Variants in GARRE1 observed in about 807,000 individuals in gnomAD.
The protein encoded by GARRE1 is granule associated Rac and RHOG effector 1.
In GARRE1, 49 loss-of-function variants were observed where a neutral mutation model predicts 103.2. The ratio of observed to expected loss-of-function variants is 0.47; its 90% CI spans 0.38 to 0.60. GARRE1 has a LOEUF of 0.60. GARRE1 is among the 20% of genes least tolerant of loss of function. The pLI is 0.00. For missense variants in GARRE1, 1,199 were observed against 1,370.5 expected (o/e 0.87, Z 1.98); for synonymous variants, 505 against 532.8 (o/e 0.95, Z 0.72).
intron 1 of GARRE1, chr19:34,296,376 GC>G: frequency 1.4e-6 from 2 of 1,403,572 alleles, no homozygotes; most frequent in African/African-American, 1.4e-5. Context: ...CTTGGCCTTG[GC>G]CTTTAGCCGG....
chr19:34,298,231 C>T (rs1367189640), intron 1 of GARRE1, among the ~76,000 whole-genome samples: 4 of 151,990 alleles, frequency 2.6e-5, no homozygotes, highest in African/African-American at 9.7e-5. Context: ...GCCTGGGCAA[C>T]ATGGCGAAAC....
intron 7 of GARRE1, 136 bp downstream of exon 7, chr19:34,330,483 A>G (rs1599776480): frequency 2.5e-6 from 2 of 794,310 alleles, no homozygotes; most frequent in East Asian, 2.7e-5. Flanking sequence ...TAGACCAGGC[A>G]GGTAGACAAG....
chr19:34,280,175 A>G (rs1430160951), intron 1 of GARRE1, among the ~76,000 whole-genome samples: 1 of 152,098 alleles, frequency 6.6e-6, no homozygotes, highest in African/African-American at 2.4e-5. Flanking sequence ...ACCAGGTCTC[A>G]TGAGAACCCA....
intron 1 of GARRE1, among the ~76,000 whole-genome samples, chr19:34,284,894 G>T (rs1439212049): frequency 1.3e-5 from 2 of 152,020 alleles, no homozygotes; most frequent in Non-Finnish European, 2.9e-5. Flanking sequence ...TTAAAATAAT[G>T]ATAATAATAA....
At chr19:34,255,303 C>T (rs181678759) in intron 1 of GARRE1, among the ~76,000 whole-genome samples, 366 of 152,348 alleles carry the variant, frequency 2.4e-3, no homozygotes, top group Non-Finnish European at 4.0e-3. Context: ...AGAAGCGTGC[C>T]TGGTTGGCAT....
At chr19:34,302,819 A>G (rs2073987435) in intron 2 of GARRE1, among the ~76,000 whole-genome samples, 1 of 145,572 alleles carries the variant, frequency 6.9e-6, no homozygotes, top group South Asian at 2.2e-4. Flanking sequence ...ATCTCGGCTC[A>G]CTGCAACCTC....
chr19:34,318,172 G>C (rs1027166907), intron 2 of GARRE1, among the ~76,000 whole-genome samples: 2 of 152,200 alleles, frequency 1.3e-5, no homozygotes, highest in African/African-American at 4.8e-5. Context: ...CTGGGAACTG[G>C]CTTGCCCCTG....
intron 1 of GARRE1, among the ~76,000 whole-genome samples, chr19:34,261,737 A>G (rs1217393296): frequency 1.3e-5 from 2 of 152,146 alleles, no homozygotes; most frequent in African/African-American, 4.8e-5. Context: ...CTGGACAGGT[A>G]TGAATAAGGA....
chr19:34,341,034 C>T (rs1202008541), intron 9 of GARRE1, among the ~76,000 whole-genome samples: 2 of 152,188 alleles, frequency 1.3e-5, no homozygotes, highest in African/African-American at 4.8e-5. Flanking sequence ...ATCCCCCCAC[C>T]ACCTCCCTCT....
chr19:34,286,882 C>G (rs913654205), intron 1 of GARRE1, among the ~76,000 whole-genome samples: 2 of 152,114 alleles, frequency 1.3e-5, no homozygotes, highest in African/African-American at 4.8e-5. Flanking sequence ...CGTCCTCATT[C>G]TTGTGGCTGT....
At chr19:34,295,265 C>T (rs2073941139) in intron 1 of GARRE1, among the ~76,000 whole-genome samples, 1 of 152,114 alleles carries the variant, frequency 6.6e-6, no homozygotes, top group Admixed American at 6.6e-5. Context: ...GGGACTCAGT[C>T]AAGTTAAAAT....
At chr19:34,347,052 T>C (rs1317619742) in intron 10 of GARRE1, among the ~76,000 whole-genome samples, 2 of 150,800 alleles carry the variant, frequency 1.3e-5, no homozygotes, top group African/African-American at 2.4e-5. Context: ...GCCTCCCAAG[T>C]AGCTGTGACT....
intron 1 of GARRE1, among the ~76,000 whole-genome samples, chr19:34,272,239 A>T (rs1027627458): frequency 1.3e-5 from 2 of 152,092 alleles, no homozygotes; most frequent in Non-Finnish European, 2.9e-5. Context: ...TTTGAAACAT[A>T]GTCTTGCTCT....
At chr19:34,267,089 C>T (rs1366773116) in intron 1 of GARRE1, among the ~76,000 whole-genome samples, 2 of 152,182 alleles carry the variant, frequency 1.3e-5, no homozygotes, top group East Asian at 1.9e-4. Context: ...CACAGCGAAA[C>T]CCCATCTTCT....
At chr19:34,348,882 T>G in intron 11 of GARRE1, 134 bp from the exon 12 acceptor site, 1 of 1,004,682 alleles carries the variant, frequency 1.0e-6, no homozygotes, top group Non-Finnish European at 1.5e-6. Context: ...AACCTCACGT[T>G]TTAAGAAGGG....
intron 3 of GARRE1, among the ~76,000 whole-genome samples, chr19:34,325,155 T>C (rs2074105851): frequency 6.6e-6 from 1 of 152,184 alleles, no homozygotes; most frequent in African/African-American, 2.4e-5. Context: ...CATCCTTTCT[T>C]CATCTAGTTT....
rs143183443 is a variant in GARRE1, at chr19:34,312,450, G to A, written c.496-7457G>A. ...TGTACCTGCTCAACAATAACTCCTG[G>A]TTGCCCTCTCCTCCCAGCTCCTGGC... On this transcript the variant is annotated intron_variant, in intron 2 of 13. Transcript: ENST00000299505. 1.1e-3 allele frequency among the ~76,000 whole-genome samples: 170 copies of A among 152,158 alleles called. 1 individual carries two copies. The highest frequency in any genetic ancestry group is 3.4e-3 in the Middle Eastern group (1 of 294).
At position 34,341,788 on chromosome 19, in the gene GARRE1, T is replaced by C. The variant is rs768516994; in HGVS notation, c.1854T>C (p.Phe618=). The change falls in exon 10 of 14, where the codon TTT becomes TTC. Residue 618 remains phenylalanine, a synonymous_variant. Transcript: ENST00000299505. ...CCAGTAATACAGTGGCCAATGGCTT[T>C]CTCATGGAGAGGCGTGAGAACTTCC... ...QNSSNTVANG[F]LMERRENFLH... 6.2e-7 allele frequency: 1 copy of C among 1,614,208 alleles called. No individual in the cohort carries two copies. Among genetic ancestry groups the C allele is most frequent in the Non-Finnish European group, 8.5e-7 (1 of 1,180,020 alleles).
At chr19:34,323,581 G>T (rs998477006) in intron 3 of GARRE1, among the ~76,000 whole-genome samples, 1 of 152,164 alleles carries the variant, frequency 6.6e-6, no homozygotes, top group Admixed American at 6.5e-5. Context: ...GGCTGTGTGT[G>T]GGGGTGGGAC....
Sources: allele counts gnomAD v4.1 joint callset (sites outside exome capture counted in the v4.1 genomes callset), GRCh38; gene constraint gnomAD v4.1.1; transcripts MANE v1.5; gene names NCBI Gene and HGNC (gene_info 2026-07-23, HGNC 2026-07-21).